TTC39C: variants seen among roughly 807,000 people sequenced by gnomAD.
The protein encoded by TTC39C is tetratricopeptide repeat protein 39C.
Under a neutral mutation model 76.3 loss-of-function variants are expected in TTC39C, and 33 were observed. The observed-to-expected ratio is 0.43, with a 90% CI of 0.33 to 0.58. The LOEUF (loss-of-function observed/expected upper bound fraction) is 0.58. Ranked by LOEUF, TTC39C falls within the 20% of genes least tolerant of loss-of-function variation. The pLI is 0.04. For missense variants in TTC39C, 595 were observed against 701.4 expected (o/e 0.85, Z 1.71); for synonymous variants, 254 against 260.6 (o/e 0.97, Z 0.24).
intron 1 of TTC39C, among the ~76,000 whole-genome samples, chr18:23,996,626 TGTGAAAAATG>T (rs2145621015): frequency 6.6e-6 from 1 of 152,356 alleles, no homozygotes; most frequent in South Asian, 2.1e-4. Flanking sequence ...TGTGCACATG[TGTGAAAAATG>T]GTGATTCCCC....
At position 24,132,668 on chromosome 18, in the gene TTC39C, T is replaced by G; in HGVS notation, c.*94T>G. 2 of 1,029,960 alleles carry G rather than the reference T, an allele frequency of 1.9e-6. No homozygotes were observed. The highest frequency in any genetic ancestry group is 3.2e-5 in the South Asian group (2 of 62,014). The allele number at this position is 1,029,960 out of a possible 1,614,324, so 63.8% of individuals were successfully genotyped here. ...AAGCTCTTGTGAAGATGGGCTTTTC[T>G]TCTGAAAACCACCTGTGCCAGGGAC... On this transcript the variant is annotated 3_prime_UTR_variant, in exon 14 of 14. Coordinates refer to ENST00000317571, the MANE Select transcript of TTC39C (RefSeq NM_001135993.2).
At chr18:24,014,736 C>T (rs879274096), upstream of TTC39C, 3 of 1,137,524 alleles carry the variant, frequency 2.6e-6, no homozygotes, top group South Asian at 8.8e-5. Context: ...TCTTCCCTCC[C>T]GTCTTCTCCC....
chr18:24,040,201 A>C (rs939702138), intron 1 of TTC39C, among the ~76,000 whole-genome samples: 5 of 152,248 alleles, frequency 3.3e-5, no homozygotes, highest in Non-Finnish European at 5.9e-5. Context: ...AACGTCAAAT[A>C]AACATTTTAT....
chr18:24,001,823 G>GTTTTTTTTTTTTTT (rs750295981), intron 1 of TTC39C, among the ~76,000 whole-genome samples: 7 of 57,494 alleles, frequency 1.2e-4, no homozygotes, highest in African/African-American at 2.2e-4. Context: ...CGGTAATTCT[G>GTTTTTTTTTTTTTT]TTTTTTTTTT....
chr18:24,045,079 G>A (rs1433856462), intron 1 of TTC39C, among the ~76,000 whole-genome samples: 6 of 152,006 alleles, frequency 3.9e-5, no homozygotes, highest in Non-Finnish European at 7.4e-5. Flanking sequence ...GACCAGCCTG[G>A]CCAACATGGC....
At chr18:24,053,752 A>G (rs184145887) in intron 1 of TTC39C, among the ~76,000 whole-genome samples, 439 of 152,354 alleles carry the variant, frequency 2.9e-3, no homozygotes, top group Middle Eastern at 0.02. Context: ...TCAGACCATC[A>G]GGTCTCCTGT....
intron 1 of TTC39C, among the ~76,000 whole-genome samples, chr18:23,999,585 A>C (rs1332273044): frequency 7.1e-6 from 1 of 140,724 alleles, no homozygotes; most frequent in Non-Finnish European, 1.6e-5. Context: ...CTGAGTCTGC[A>C]AGTGCTGGGA....
At chr18:24,023,841 C>G (rs55956619) in intron 1 of TTC39C, among the ~76,000 whole-genome samples, 83,120 of 146,372 alleles carry the variant, frequency 0.57, 28,154 homozygotes, top group Non-Finnish European at 0.78. Context: ...ATTGTAATTC[C>G]CCTTTTATGA....
Position 24,131,885 on chromosome 18 carries a change from G to A in TTC39C, c.1627G>A (p.Val543Ile), listed in dbSNP as rs1194948920. ...GGATAATGTGTTTTTCTTATAGACTGTAGGAAGAGGCAGAGCTCTACTTCT... is the reference window on the plus strand; with the variant it reads ...GGATAATGTGTTTTTCTTATAGACTATAGGAAGAGGCAGAGCTCTACTTCT... ...GCLLLDKPETVGRGRALLLQA... is the reference protein window; with the variant it reads ...GCLLLDKPETIGRGRALLLQA... The change falls in exon 13 of 14, where the codon GTA becomes ATA. Residue 543 changes from valine (V) to isoleucine (I), a missense_variant. Transcript: ENST00000317571. The A allele has an allele frequency of 3.1e-6, 5 of 1,612,168 alleles. No homozygotes were observed. The highest frequency in any genetic ancestry group is 4.2e-6 in the Non-Finnish European group (5 of 1,179,464).
intron 1 of TTC39C, among the ~76,000 whole-genome samples, chr18:24,054,344 T>G (rs1188760938): frequency 2.6e-5 from 4 of 152,212 alleles, no homozygotes; most frequent in Admixed American, 1.3e-4. Context: ...TTGAGAAAAT[T>G]GTATCAAAGC....
At chr18:24,047,078 A>G (rs2083894125) in intron 1 of TTC39C, among the ~76,000 whole-genome samples, 1 of 151,764 alleles carries the variant, frequency 6.6e-6, no homozygotes, top group Non-Finnish European at 1.5e-5. Flanking sequence ...ATATACATTT[A>G]CATTGATATA....
intron 1 of TTC39C, among the ~76,000 whole-genome samples, chr18:24,043,217 T>G (rs571936955): frequency 6.6e-5 from 10 of 152,140 alleles, no homozygotes; most frequent in Non-Finnish European, 1.5e-4. Flanking sequence ...CCCAGTGAGC[T>G]GGGTGTGGTG....
At position 24,130,369 on chromosome 18, in the gene TTC39C, G is replaced by A; in HGVS notation, c.1575G>A (p.Gln525=). The A allele has an allele frequency of 6.3e-7, 1 of 1,589,266 alleles. No homozygotes were observed. The highest frequency in any genetic ancestry group is 8.6e-7 in the Non-Finnish European group (1 of 1,168,724). ...ELCRQNNLYV[Q]PYACYELGCL... is the part of the protein sequence containing the mutation. ...GTCGTCAGAATAACTTATATGTTCA[G>A]CCGTATGCCTGTTATGAACTTGGCT... is the stretch of plus-strand genomic sequence containing the variant. Residue 525 remains glutamine, a synonymous_variant, in exon 12 of 14, where the codon CAG becomes CAA. Transcript: ENST00000317571.
chr18:24,130,239 C>A, intron 11 of TTC39C, 74 bp from the exon 12 acceptor site: 1 of 735,774 alleles, frequency 1.4e-6, no homozygotes, highest in South Asian at 1.8e-5. Context: ...TTCCCGCCCC[C>A]TCTTGAAGAT....
rs556428959 is a variant in TTC39C, at chr18:24,091,923, A to G, written c.984+8842A>G. Reference sequence around the variant, plus strand: ...GCTAACATGATGAAACCCTGTCTCTACTAAAAAAAAATGCAAAAAATTAGC... The same window carrying G: ...GCTAACATGATGAAACCCTGTCTCTGCTAAAAAAAAATGCAAAAAATTAGC... On this transcript the variant is annotated intron_variant, in intron 6 of 13. Transcript: ENST00000317571. 2.0e-4 allele frequency among the ~76,000 whole-genome samples: 30 copies of G among 151,512 alleles called. No individual in the cohort carries two copies. In the South Asian group the frequency reaches 4.2e-3, roughly 21 times the overall value.
intron 1 of TTC39C, among the ~76,000 whole-genome samples, chr18:24,023,483 C>A (rs2083540207): frequency 6.6e-6 from 1 of 152,192 alleles, no homozygotes; most frequent in Non-Finnish European, 1.5e-5. Flanking sequence ...CTGGCCTGGG[C>A]ATTGTAACTC....
intron 1 of TTC39C, among the ~76,000 whole-genome samples, chr18:24,020,509 G>A (rs1407643080): frequency 6.6e-6 from 1 of 152,304 alleles, no homozygotes; most frequent in South Asian, 2.1e-4. Flanking sequence ...GTATTCATGG[G>A]GGATTGGTTC....
At chr18:24,090,295 C>T (rs2084500570) in intron 6 of TTC39C, among the ~76,000 whole-genome samples, 1 of 152,148 alleles carries the variant, frequency 6.6e-6, no homozygotes, top group African/African-American at 2.4e-5. Flanking sequence ...CTATAAACAG[C>T]TCTGTGTAGC....
intron 6 of TTC39C, among the ~76,000 whole-genome samples, chr18:24,106,244 C>T (rs1377516814): frequency 6.6e-6 from 1 of 152,180 alleles, no homozygotes; most frequent in Non-Finnish European, 1.5e-5. Flanking sequence ...GGCAACTGGG[C>T]GTTTCTCTCC....
Sources: allele counts gnomAD v4.1 joint callset (sites outside exome capture counted in the v4.1 genomes callset), GRCh38; gene constraint gnomAD v4.1.1; transcripts MANE v1.5; gene names NCBI Gene and HGNC (gene_info 2026-07-23, HGNC 2026-07-21).